Variants in SLC66A2 observed in about 807,000 individuals in gnomAD.
SLC66A2 encodes the protein solute carrier family 66 member 2.
SLC66A2 carries 23 observed loss-of-function variants against 25.5 expected under a neutral mutation model. The observed-to-expected ratio is 0.90, with a 90% CI of 0.65 to 1.28. The LOEUF (loss-of-function observed/expected upper bound fraction) is 1.28, where lower values mean the gene tolerates loss of function less well. Ranked by LOEUF, SLC66A2 falls within the 50% of genes most tolerant of loss-of-function variation. The pLI is 0.00. For missense variants in SLC66A2, 396 were observed against 373.1 expected, an observed-to-expected ratio of 1.06 and a Z score of -0.51; for synonymous variants, 193 against 166.5, an observed-to-expected ratio of 1.16 and a Z score of -1.23.
intron 5 of SLC66A2, among the ~76,000 whole-genome samples, chr18:79,916,476 G>A (rs1026458323): frequency 6.6e-6 from 1 of 152,242 alleles, no homozygotes; most frequent in Non-Finnish European, 1.5e-5. Context: ...CTGGAGGAAG[G>A]AGCCTGCACA....
chr18:79,915,417 G>C (rs998550828), intron 5 of SLC66A2: 1 of 152,248 alleles, frequency 6.6e-6, no homozygotes, highest in South Asian at 2.1e-4. Flanking sequence ...CCATCACTCC[G>C]AGCCGACCCG....
At chr18:79,933,918 G>T in intron 4 of SLC66A2, 51 bp downstream of exon 4, 1 of 1,507,670 alleles carries the variant, frequency 6.6e-7, no homozygotes, top group Non-Finnish European at 9.1e-7. Flanking sequence ...ACAGCTGCAG[G>T]AATGAAGCAA....
Position 79,918,634 on chromosome 18 carries a change from T to C in SLC66A2, c.608+550A>G, listed in dbSNP as rs2123301552. Among the ~76,000 whole-genome samples, 1 of 152,374 alleles carries C rather than the reference T, an allele frequency of 6.6e-6. No individual in the cohort carries two copies. Among genetic ancestry groups the C allele is most frequent in the East Asian group, 1.9e-4 (1 of 5,186 alleles). ...CGTGGGCATCATGCTGCTCGCGTTG[T>C]GCCCTACCTCTGGCGGTCACGGGGA... On this transcript the variant is annotated intron_variant, in intron 5 of 5. Transcript: ENST00000397778. This position sits in a 1 kb window ranked among gnomAD's most constrained non-coding sequence, Gnocchi z 4.0.
intron 5 of SLC66A2, among the ~76,000 whole-genome samples, chr18:79,909,224 T>A (rs1982569363): frequency 6.6e-6 from 1 of 152,210 alleles, no homozygotes; most frequent in South Asian, 2.1e-4. Context: ...TCCCTTTTGA[T>A]CTTTGGATCT....
At position 79,918,109 on chromosome 18, in the gene SLC66A2, C is replaced by T. The variant is rs569317650; in HGVS notation, c.608+1075G>A. Among the ~76,000 whole-genome samples, 14 of 152,220 alleles carry T rather than the reference C, an allele frequency of 9.2e-5. No homozygotes were observed. The highest frequency in any genetic ancestry group is 3.4e-4 in the African/African-American group (14 of 41,530). On this transcript the variant is annotated intron_variant, in intron 5 of 5. Coordinates refer to ENST00000397778, the MANE Select transcript of SLC66A2 (RefSeq NM_025078.5). The surrounding 1 kb of genome is among the most constrained non-coding windows in gnomAD (Gnocchi z 4.0). ...CCCTCCTACCTTTACCTCTCACGGG[C>T]AACTGAACCTACACACAACCCCCGG...
rs557163919 is a variant in SLC66A2 at position 79,913,950 on chromosome 18, C to T, written c.608+5234G>A. Among the ~76,000 whole-genome samples the T allele has an allele frequency of 2.4e-3, 366 of 152,294 alleles. 1 individual carries two copies. Among genetic ancestry groups the T allele is most frequent in the Non-Finnish European group, 4.1e-3 (277 of 68,020 alleles). On this transcript the variant is annotated intron_variant, in intron 5 of 5. Coordinates refer to ENST00000397778, the MANE Select transcript of SLC66A2 (RefSeq NM_025078.5). ...TTTACATGGAGTCTCACTCTGTTGC[C>T]CAGGCTGGAGTGCAGTGGCGCGATC... is the stretch of plus-strand genomic sequence containing the variant.
Position 79,950,780 on chromosome 18 carries a change from G to A in SLC66A2, c.147C>T (p.Phe49=), listed in dbSNP as rs778253180. The A allele has an allele frequency of 3.7e-6, 6 of 1,613,252 alleles. No homozygotes were observed. The highest frequency in any genetic ancestry group is 4.2e-6 in the Non-Finnish European group (5 of 1,180,004). The change falls in exon 2 of 6, where the codon TTC becomes TTT. Residue 49 remains phenylalanine (F), a synonymous_variant. Coordinates refer to ENST00000397778, the MANE Select transcript of SLC66A2 (RefSeq NM_025078.5). ...GCAGCACCAGGCACACGTAGGTGGAGAAGCCGTCGGCGTTCTGCGTCCTGC... is the reference window on the plus strand; with the variant it reads ...GCAGCACCAGGCACACGTAGGTGGAAAAGCCGTCGGCGTTCTGCGTCCTGC... ...DIRRTQNADG[F]STYVCLVLLV... is the part of the protein sequence containing the mutation.
intron 5 of SLC66A2, among the ~76,000 whole-genome samples, chr18:79,905,585 C>T (rs371465976): frequency 6.6e-6 from 1 of 152,390 alleles, no homozygotes; most frequent in Non-Finnish European, 1.5e-5. Context: ...ACACAGCAGG[C>T]GCCCGAGCAT....
Position 79,917,604 on chromosome 18 carries a change from G to A in SLC66A2, c.608+1580C>T, listed in dbSNP as rs950832511. Among the ~76,000 whole-genome samples, 2 of 152,038 alleles carry A rather than the reference G, an allele frequency of 1.3e-5. No individual in the cohort carries two copies. Among genetic ancestry groups the A allele is most frequent in the African/African-American group, 4.8e-5 (2 of 41,372 alleles). On this transcript the variant is annotated intron_variant, in intron 5 of 5. Coordinates refer to ENST00000397778, the MANE Select transcript of SLC66A2 (RefSeq NM_025078.5). This position sits in a 1 kb window ranked among gnomAD's most constrained non-coding sequence, Gnocchi z 6.0. ...ACGTCCAGCCGGGGAGCCTACATAC[G>A]ACGCCCGCCCTGAGACCCACTTTCT...
intron 3 of SLC66A2, among the ~76,000 whole-genome samples, chr18:79,938,527 T>C (rs1416139863): frequency 1.3e-5 from 2 of 152,244 alleles, no homozygotes; most frequent in Non-Finnish European, 2.9e-5. Flanking sequence ...GGAATGAGGG[T>C]TTCTTTTTAA....
At chr18:79,914,465 A>G (rs965580237) in intron 5 of SLC66A2, among the ~76,000 whole-genome samples, 3 of 152,146 alleles carry the variant, frequency 2.0e-5, no homozygotes, top group Admixed American at 2.0e-4. Flanking sequence ...GTGGTCTGAC[A>G]GCAGGAAGTG....
At position 79,919,595 on chromosome 18, in the gene SLC66A2, G is replaced by A. The variant is rs867198253; in HGVS notation, c.392-195C>T. Among the ~76,000 whole-genome samples, 36 of 10,668 alleles carry A rather than the reference G, an allele frequency of 3.4e-3. 10 individuals are homozygous for A. Among genetic ancestry groups the A allele is most frequent in the Non-Finnish European group, 0.025 (19 of 750 alleles). The allele number at this position is 10,668 out of a possible 152,430, so 7.0% of individuals were successfully genotyped here. ...AGGTCAGTGAGGAGAGACGGGAACCGAGGGAGAGGTCAAGGTCAGTGGAGG... is the reference window on the plus strand; with the variant it reads ...AGGTCAGTGAGGAGAGACGGGAACCAAGGGAGAGGTCAAGGTCAGTGGAGG... On this transcript the variant is annotated intron_variant, in intron 4 of 5. Coordinates refer to ENST00000397778, the MANE Select transcript of SLC66A2 (RefSeq NM_025078.5).
At chr18:79,935,833 A>C (rs1987029829) in intron 3 of SLC66A2, among the ~76,000 whole-genome samples, 1 of 152,168 alleles carries the variant, frequency 6.6e-6, no homozygotes, top group Non-Finnish European at 1.5e-5. Flanking sequence ...CAAGAGAATG[A>C]GCTTCAAGGG....
intron 4 of SLC66A2, among the ~76,000 whole-genome samples, chr18:79,924,588 T>A (rs893697523): frequency 2.0e-5 from 3 of 152,250 alleles, no homozygotes; most frequent in Non-Finnish European, 2.9e-5. Context: ...AATTTTATGT[T>A]ATGTAAATTA....
chr18:79,945,666 C>T (rs1047289220), intron 2 of SLC66A2, among the ~76,000 whole-genome samples: 2 of 152,236 alleles, frequency 1.3e-5, no homozygotes, highest in African/African-American at 4.8e-5. Context: ...GAGGCACAGG[C>T]CGGAGGTGCA....
Position 79,940,368 on chromosome 18 carries a change from C to G in SLC66A2, c.337+2961G>C, listed in dbSNP as rs1306024734. On this transcript the variant is annotated intron_variant, in intron 3 of 5. Transcript: ENST00000397778. The surrounding 1 kb of genome is among the most constrained non-coding windows in gnomAD (Gnocchi z 4.1). The stretch of plus-strand genomic sequence containing the variant: ...CCGTAATGCCAGCACTTCGGGAGGC[C>G]AAGGTGGGTGGATCACTTGAGGTCA... Among the ~76,000 whole-genome samples the G allele has an allele frequency of 6.6e-6, 1 of 152,056 alleles. No individual in the cohort carries two copies. Among genetic ancestry groups the G allele is most frequent in the African/African-American group, 2.4e-5 (1 of 41,400 alleles).
At chr18:79,906,535 C>CTATT (rs1026488312) in intron 5 of SLC66A2, among the ~76,000 whole-genome samples, 4 of 152,160 alleles carry the variant, frequency 2.6e-5, no homozygotes, top group Admixed American at 2.0e-4. Context: ...GACTTAAGAT[C>CTATT]TATTTCTGCT....
At chr18:79,936,623 T>C (rs1336406024) in intron 3 of SLC66A2, among the ~76,000 whole-genome samples, 1 of 152,154 alleles carries the variant, frequency 6.6e-6, no homozygotes, top group Non-Finnish European at 1.5e-5. Context: ...CCACAGACAA[T>C]TATTTCTCAA....
intron 4 of SLC66A2, among the ~76,000 whole-genome samples, chr18:79,932,927 G>A (rs1022100989): frequency 3.3e-5 from 5 of 152,144 alleles, no homozygotes; most frequent in African/African-American, 1.2e-4. Flanking sequence ...TAGAAAAGGA[G>A]GGGAACATTT....
Sources: gnomAD v4.1 joint callset for allele counts (sites outside exome capture counted in the v4.1 genomes callset) on GRCh38, gnomAD v4.1.1 for gene constraint, Gnocchi (gnomAD v3.1) non-coding constraint, MANE v1.5 for transcripts, NCBI Gene and HGNC (gene_info 2026-07-23, HGNC 2026-07-21) for gene names.